Variants in PIAS2 observed in about 807,000 individuals in gnomAD.
PIAS2 encodes the protein protein inhibitor of activated STAT 2.
A neutral mutation model predicts 69.7 loss-of-function variants in PIAS2; 19 were observed. The observed-to-expected ratio is 0.27, with a 90% CI of 0.19 to 0.40. PIAS2 has a LOEUF of 0.40. Among genes scored for constraint, PIAS2 ranks in the 10% least tolerant of loss-of-function variants. The pLI is 1.00. For missense variants in PIAS2, 624 were observed against 757.0 expected (o/e 0.82, Z 2.06); for synonymous variants, 261 against 263.2 (o/e 0.99, Z 0.08).
At chr18:46,849,764 C>T (rs995656840) in intron 5 of PIAS2, among the ~76,000 whole-genome samples, 1 of 152,138 alleles carries the variant, frequency 6.6e-6, no homozygotes, top group African/African-American at 2.4e-5. Context: ...AAGAAAGGAA[C>T]AAATAGCAGG....
Position 46,891,062 on chromosome 18 carries a change from G to T in PIAS2, c.25-8C>A. ...AAAACTAGAAACCATATTCTAAAAGGAAAGAAAAAAAAACATAAGCCAAGT... is the reference window on the plus strand; with the variant it reads ...AAAACTAGAAACCATATTCTAAAAGTAAAGAAAAAAAAACATAAGCCAAGT... On this transcript the variant is annotated splice_polypyrimidine_tract_variant and splice_region_variant and intron_variant, in intron 1 of 13. Coordinates refer to ENST00000585916, the MANE Select transcript of PIAS2 (RefSeq NM_004671.5). 6.6e-7 allele frequency: 1 copy of T among 1,524,564 alleles called. No homozygotes were observed. Among genetic ancestry groups the T allele is most frequent in the Non-Finnish European group, 8.9e-7 (1 of 1,129,760 alleles). The allele number at this position is 1,524,564 out of a possible 1,614,324, so 94.4% of individuals were successfully genotyped here.
intron 3 of PIAS2, among the ~76,000 whole-genome samples, chr18:46,855,996 T>C (rs1221245324): frequency 2.3e-5 from 3 of 131,368 alleles, no homozygotes; most frequent in Non-Finnish European, 4.7e-5. Flanking sequence ...CTTTTTCTTT[T>C]GTTTTTTTTT....
intron 2 of PIAS2, among the ~76,000 whole-genome samples, chr18:46,876,251 G>C (rs767942401): frequency 4.6e-5 from 7 of 152,184 alleles, no homozygotes; most frequent in Non-Finnish European, 1.0e-4. Flanking sequence ...ACAAGAGATA[G>C]CCCTCATGGG....
upstream of PIAS2, among the ~76,000 whole-genome samples, chr18:46,918,298 G>C (rs1334365073): frequency 6.6e-6 from 1 of 152,186 alleles, no homozygotes; most frequent in Non-Finnish European, 1.5e-5. Context: ...TTTCCTTGAA[G>C]AATTGGGTGG....
In PIAS2 at chr18:46,803,940, G is replaced by GTGA. The variant is rs1555704575; in HGVS notation, c.*8490_*8492dup. 6.6e-6 allele frequency: 1 copy of GTGA among 152,148 alleles called. No homozygotes were observed. The highest frequency in any genetic ancestry group is 1.5e-5 in the Non-Finnish European group (1 of 68,058). 9.4% of individuals were successfully genotyped at this position (152,148 alleles called of 1,614,324 possible). A position where few individuals can be genotyped will look rare whatever the true frequency, so the allele number is the denominator to read the frequency against. On this transcript the variant is annotated 3_prime_UTR_variant, in exon 14 of 14. Transcript: ENST00000585916. ...CCCTGTAAGTTTTGGAGTTCAGAAG[G>GTGA]TGAGTATGCTGCCTTTCAACACCTC...
At chr18:46,857,206 A>G (rs1397673892) in intron 3 of PIAS2, among the ~76,000 whole-genome samples, 4 of 152,112 alleles carry the variant, frequency 2.6e-5, no homozygotes, top group African/African-American at 9.7e-5. Context: ...ACCTCTTCTG[A>G]GCAACCCATA....
chr18:46,807,368 TATATATATATA>T lies in PIAS2; in HGVS notation c.*5054_*5064del, dbSNP rs1568312650. 2.5e-4 allele frequency: 7 copies of T among 27,624 alleles called. No individual in the cohort carries two copies. The highest frequency in any genetic ancestry group is 1.5e-3 in the African/African-American group (6 of 3,968). The allele number at this position is 27,624 out of a possible 1,614,324, so 1.7% of individuals were successfully genotyped here. ...ACATGTCAGATTTTATATATATATA[TATATATATATA>T]TATATTTTTTTTTTTTTTTTTTTTT... On this transcript the variant is annotated 3_prime_UTR_variant, in exon 14 of 14. Coordinates refer to ENST00000585916, the MANE Select transcript of PIAS2 (RefSeq NM_004671.5).
intron 3 of PIAS2, among the ~76,000 whole-genome samples, chr18:46,856,009 T>TTG (rs2047731408): frequency 8.3e-6 from 1 of 120,474 alleles, no homozygotes; most frequent in East Asian, 2.1e-4. Context: ...TTTTTTTTTT[T>TTG]TTTTTTTTTT....
intron 1 of PIAS2, among the ~76,000 whole-genome samples, chr18:46,892,502 G>A (rs1326225208): frequency 6.6e-6 from 1 of 152,084 alleles, no homozygotes; most frequent in Non-Finnish European, 1.5e-5. Flanking sequence ...GCCAGGAACA[G>A]TGGCTCACAC....
rs2047646382 is a variant in PIAS2, at chr18:46,855,722, C to A, written c.585-107G>T. 3 of 822,978 alleles carry A rather than the reference C, an allele frequency of 3.6e-6. No individual in the cohort carries two copies. In the Admixed American group the frequency reaches 6.6e-5, roughly 18 times the overall value. The allele number at this position is 822,978 out of a possible 1,614,324, so 51.0% of individuals were successfully genotyped here. On this transcript the variant is annotated intron_variant, in intron 3 of 13. Transcript: ENST00000585916. ...AAGCATTATTTGTATTTTTCTTATT[C>A]CCTGAAAGGTGATCAATATACTACC...
intron 2 of PIAS2, among the ~76,000 whole-genome samples, chr18:46,883,074 G>A (rs2052549318): frequency 6.6e-6 from 1 of 151,266 alleles, no homozygotes; most frequent in Non-Finnish European, 1.5e-5. Flanking sequence ...CTGCAGCCTG[G>A]GCGACAGAGG....
intron 1 of PIAS2, among the ~76,000 whole-genome samples, chr18:46,893,107 C>T (rs940993820): frequency 2.0e-5 from 3 of 152,122 alleles, no homozygotes; most frequent in African/African-American, 7.2e-5. Flanking sequence ...AGAAGGAAAA[C>T]AAGAAAACTT....
intron 12 of PIAS2, chr18:46,816,663 T>A: frequency 3.6e-6 from 1 of 277,500 alleles, no homozygotes. Flanking sequence ...AGAGAGGGTC[T>A]CGCTATGTTG....
At chr18:46,830,068 A>G (rs1405379711) in intron 9 of PIAS2, among the ~76,000 whole-genome samples, 1 of 152,204 alleles carries the variant, frequency 6.6e-6, no homozygotes, top group Non-Finnish European at 1.5e-5. Context: ...GCAACATAAT[A>G]GTTAAGTAAC....
chr18:46,815,241 G>C, intron 13 of PIAS2, 71 bp downstream of exon 13: 1 of 1,241,108 alleles, frequency 8.1e-7, no homozygotes, highest in East Asian at 2.3e-5. Context: ...TTATGCAACT[G>C]GTCATTTTTA....
intron 3 of PIAS2, among the ~76,000 whole-genome samples, chr18:46,855,946 C>A (rs945443585): frequency 7.0e-6 from 1 of 143,338 alleles, no homozygotes; most frequent in East Asian, 2.1e-4. Flanking sequence ...ATCAGCAAAT[C>A]TATTTGCTTA....
At chr18:46,815,722 A>T in intron 12 of PIAS2, 1 of 1,004,388 alleles carries the variant, frequency 1.0e-6, no homozygotes, top group Non-Finnish European at 1.2e-6. Context: ...TAAGCTCTTA[A>T]GATATTTCAC....
intron 8 of PIAS2, among the ~76,000 whole-genome samples, chr18:46,842,765 C>T (rs77468548): frequency 0.01 from 1,598 of 152,228 alleles, 11 homozygotes; most frequent in Non-Finnish European, 0.013. Flanking sequence ...TGTGTCCTTC[C>T]GCATGCCTCC....
At chr18:46,884,702 G>GGTCA (rs2052858783) in intron 2 of PIAS2, among the ~76,000 whole-genome samples, 2 of 152,064 alleles carry the variant, frequency 1.3e-5, no homozygotes. Context: ...GATCACTTGA[G>GGTCA]GTCAGGAGTT....
Sources: allele counts gnomAD v4.1 joint callset (sites outside exome capture counted in the v4.1 genomes callset), GRCh38; gene constraint gnomAD v4.1.1; transcripts MANE v1.5; gene names NCBI Gene and HGNC (gene_info 2026-07-23, HGNC 2026-07-21).